The following ZCWPW1 variants were observed in gnomAD, a reference collection of about 807,000 sequenced individuals.
The protein encoded by ZCWPW1 is zinc finger CW-type and PWWP domain containing 1, also known as zinc finger CW-type PWWP domain protein 1.
A neutral mutation model predicts 81.3 loss-of-function variants in ZCWPW1; 56 were observed. That is an observed-to-expected ratio of 0.69 (90% CI 0.56 to 0.86). ZCWPW1 has a LOEUF of 0.86. Among genes scored for constraint, ZCWPW1 ranks in the 40% least tolerant of loss-of-function variants. ZCWPW1 has a pLI of 0.00. For synonymous variants in ZCWPW1, 250 were observed against 273.7 expected, an observed-to-expected ratio of 0.91 and a Z score of 0.86; for missense variants, 650 against 769.8, an observed-to-expected ratio of 0.84 and a Z score of 1.84.
At chr7:100,409,858 C>A (rs1793835931) in intron 8 of ZCWPW1, among the ~76,000 whole-genome samples, 1 of 152,206 alleles carries the variant, frequency 6.6e-6, no homozygotes, top group Non-Finnish European at 1.5e-5. Flanking sequence ...ATTGACAGTT[C>A]TTAAATTGAA....
intron 1 of ZCWPW1, among the ~76,000 whole-genome samples, chr7:100,427,827 C>T (rs1797974323): frequency 6.6e-6 from 1 of 151,882 alleles, no homozygotes; most frequent in Admixed American, 6.6e-5. Flanking sequence ...CTTATTCTCT[C>T]TCAGGGATAG....
intron 15 of ZCWPW1, among the ~76,000 whole-genome samples, chr7:100,403,119 G>A (rs981941132): frequency 2.0e-5 from 3 of 152,132 alleles, no homozygotes; most frequent in Non-Finnish European, 2.9e-5. Flanking sequence ...CTCCCTCAAG[G>A]CAGGGTCAGG....
chr7:100,406,311 G>T (rs1792997281), intron 12 of ZCWPW1, among the ~76,000 whole-genome samples: 1 of 152,150 alleles, frequency 6.6e-6, no homozygotes, highest in African/African-American at 2.4e-5. Context: ...GCCTGGGGAT[G>T]TTGCTAAACA....
intron 5 of ZCWPW1, chr7:100,417,497 T>G: frequency 4.5e-6 from 1 of 220,342 alleles, no homozygotes; most frequent in Non-Finnish European, 8.9e-6. Context: ...GTGGGTGGAA[T>G]GCCAAACCTC....
chr7:100,402,380 T>C lies in ZCWPW1; in HGVS notation c.1474+136A>G, dbSNP rs1792093113. 3.1e-6 allele frequency: 3 copies of C among 983,270 alleles called. No homozygotes were observed. In the African/African-American group the frequency reaches 4.8e-5, roughly 16 times the overall value. The allele number at this position is 983,270 out of a possible 1,614,324, so 60.9% of individuals were successfully genotyped here. On this transcript the variant is annotated intron_variant, in intron 16 of 17. Transcript: ENST00000684423. ...AAGGGGTTCCAGCTCCCCATGACAC[T>C]ATGGGTGAGTGTTGCCTGTTTTCTC...
intron 8 of ZCWPW1, among the ~76,000 whole-genome samples, chr7:100,411,418 C>T (rs899062544): frequency 5.3e-5 from 8 of 152,086 alleles, no homozygotes; most frequent in Admixed American, 3.3e-4. Context: ...AGGCATGCAC[C>T]ACCACACCCA....
At chr7:100,417,209 G>T in intron 5 of ZCWPW1, 26 bp from the exon 6 acceptor site, 1 of 1,588,716 alleles carries the variant, frequency 6.3e-7, no homozygotes, top group Non-Finnish European at 8.6e-7. Flanking sequence ...ACTATAAGCA[G>T]AGAAGCAAAA....
chr7:100,416,304 C>G lies in ZCWPW1; in HGVS notation c.631+1G>C. ...TTCAAAGTATATCTGACTGTACTTA[C>G]GAGCTTCCTTCTTTCTTTTGCTTAA... is the stretch of plus-strand genomic sequence containing the variant. On this transcript the variant is annotated splice_donor_variant, in intron 7 of 17. Transcript: ENST00000684423. LOFTEE classifies it high-confidence loss of function. 6.2e-7 allele frequency: 1 copy of G among 1,613,864 alleles called. No individual in the cohort carries two copies. Among genetic ancestry groups the G allele is most frequent in the Non-Finnish European group, 8.5e-7 (1 of 1,179,948 alleles).
chr7:100,416,763 T>C (rs897961574), intron 6 of ZCWPW1, among the ~76,000 whole-genome samples: 6 of 151,898 alleles, frequency 4.0e-5, no homozygotes, highest in Non-Finnish European at 8.8e-5. Flanking sequence ...CTGGCTGATA[T>C]GGTGAACCCC....
chr7:100,407,126 G>A (rs1793176854), intron 11 of ZCWPW1, 102 bp downstream of exon 11: 2 of 1,076,614 alleles, frequency 1.9e-6, no homozygotes, highest in Non-Finnish European at 1.4e-6. Flanking sequence ...TTTCACTTGT[G>A]TCTGCTGGCT....
Position 100,422,268 on chromosome 7 carries a change from T to C in ZCWPW1, c.-29-1590A>G, listed in dbSNP as rs567563300. Reference sequence around the variant, plus strand: ...GCTACACGACATCCTAACAGTCTAATTCAGTGCTTCACCACCATTTTGCTA... The same window carrying C: ...GCTACACGACATCCTAACAGTCTAACTCAGTGCTTCACCACCATTTTGCTA... On this transcript the variant is annotated intron_variant, in intron 2 of 17. Coordinates refer to ENST00000684423, the MANE Select transcript of ZCWPW1 (RefSeq NM_001386010.1). Among the ~76,000 whole-genome samples the C allele has an allele frequency of 2.6e-5, 4 of 152,362 alleles. No homozygotes were observed. The South Asian group carries it at 8.3e-4, about 32-fold the overall frequency.
chr7:100,418,519 G>A (rs552097613), intron 5 of ZCWPW1, among the ~76,000 whole-genome samples: 3 of 152,090 alleles, frequency 2.0e-5, no homozygotes, highest in Non-Finnish European at 4.4e-5. Flanking sequence ...CAGGCTGGGT[G>A]CAGTGGCTTA....
rs746990435 is a variant in ZCWPW1 at position 100,406,645 on chromosome 7, G to T, written c.1173+49C>A. On this transcript the variant is annotated intron_variant, in intron 12 of 17. Coordinates refer to ENST00000684423, the MANE Select transcript of ZCWPW1 (RefSeq NM_001386010.1). ...GGGAGAAAATGAGGTTTAAGAAAAG[G>T]AAGATTTTGTTTTCTCTGTATCACA... The T allele has an allele frequency of 2.6e-6, 4 of 1,538,942 alleles. No individual in the cohort carries two copies. In the South Asian group the frequency reaches 4.5e-5, roughly 17 times the overall value.
intron 16 of ZCWPW1, 78 bp downstream of exon 16, chr7:100,402,438 A>G (rs1407460091): frequency 6.7e-7 from 1 of 1,492,536 alleles, no homozygotes; most frequent in African/African-American, 1.4e-5. Context: ...AGTGAGGTCC[A>G]GCTACCTGCA....
chr7:100,416,395 T>A lies in ZCWPW1; in HGVS notation c.541A>T (p.Ile181Leu). ...VSWEGEAAPE[I>L]RTSKLGQPDP... is the part of the protein sequence containing the mutation. ...GGCTGGCCTAACTTAGATGTCCTTA[T>A]CTCAGGGGCAGCTTCACCTTCCCAA... is the stretch of plus-strand genomic sequence containing the variant. The change falls in exon 7 of 18, where the codon ATA becomes TTA. Residue 181 changes from isoleucine (I) to leucine (L), a missense_variant. Ile to Leu is a conservative substitution (Grantham distance 5). Transcript: ENST00000684423. The A allele has an allele frequency of 6.2e-7, 1 of 1,614,192 alleles. No individual in the cohort carries two copies. Among genetic ancestry groups the A allele is most frequent in the South Asian group, 1.1e-5 (1 of 91,080 alleles).
chr7:100,401,277 C>T lies in ZCWPW1; in HGVS notation c.1687G>A (p.Gly563Arg), dbSNP rs1791821363. Residue 563 changes from glycine to arginine, a missense_variant, in exon 18 of 18, where the codon GGA (glycine) becomes AGA (arginine). Transcript: ENST00000684423. ...SKALAASFSEGKEVRTVPKNL... is the reference protein window; with the variant it reads ...SKALAASFSERKEVRTVPKNL... ...TTTGGCACTGTTCTAACTTCTTTTC[C>T]CTCTGAAAAGCTGGCTGCCAAGGCC... The T allele has an allele frequency of 6.2e-7, 1 of 1,603,172 alleles. No individual in the cohort carries two copies. The highest frequency in any genetic ancestry group is 1.3e-5 in the African/African-American group (1 of 74,386).
chr7:100,407,380 G>T, intron 10 of ZCWPW1, 77 bp from the exon 11 acceptor site: 1 of 1,279,008 alleles, frequency 7.8e-7, no homozygotes, highest in Non-Finnish European at 1.1e-6. Flanking sequence ...CAATGTACAT[G>T]CACAGAGAAG....
At chr7:100,406,368 CCGAAATGCCAATAGTGCTGAGACTGAGA>C (rs1247660719) in intron 12 of ZCWPW1, among the ~76,000 whole-genome samples, 3 of 152,112 alleles carry the variant, frequency 2.0e-5, no homozygotes, top group African/African-American at 7.2e-5. Flanking sequence ...ATTATCTCGC[CCGAAATGCCAATAGTGCTGAGACTGAGA>C]AATCCTGAGT....
At chr7:100,421,517 T>C (rs549978972) in intron 2 of ZCWPW1, among the ~76,000 whole-genome samples, 1 of 152,236 alleles carries the variant, frequency 6.6e-6, no homozygotes, top group African/African-American at 2.4e-5. Context: ...TACTAGATTC[T>C]ACCAATCTCT....
Sources: allele counts gnomAD v4.1 joint callset (sites outside exome capture counted in the v4.1 genomes callset), GRCh38; gene constraint gnomAD v4.1.1; transcripts MANE v1.5; gene names NCBI Gene and HGNC (gene_info 2026-07-23, HGNC 2026-07-21).